SHANK2: variants seen among roughly 807,000 people sequenced by gnomAD.
SHANK2 encodes the protein SH3 and multiple ankyrin repeat domains protein 2.
Under a neutral mutation model 133.7 loss-of-function variants are expected in SHANK2, and 43 were observed. That is an observed-to-expected ratio of 0.32 (90% CI 0.25 to 0.41). The LOEUF (loss-of-function observed/expected upper bound fraction) is 0.41, where lower values mean the gene tolerates loss of function less well. Ranked by LOEUF, SHANK2 falls within the 10% of genes least tolerant of loss-of-function variation. The probability of loss-of-function intolerance (pLI) is 1.00; values close to 1 mark genes in which losing one functional copy is unlikely to be tolerated. For missense variants in SHANK2, 1,994 were observed against 2,235.8 expected, an observed-to-expected ratio of 0.89 and a Z score of 2.18; for synonymous variants, 1,017 against 952.8, an observed-to-expected ratio of 1.07 and a Z score of -1.24.
intron 17 of SHANK2, among the ~76,000 whole-genome samples, chr11:70,587,698 GTTTTTT>G (rs34539549): frequency 8.4e-6 from 1 of 119,740 alleles, no homozygotes; most frequent in African/African-American, 3.3e-5. Context: ...AGCACGTCCA[GTTTTTT>G]TTTTTTTTTT....
At position 70,942,120 on chromosome 11, in the gene SHANK2, G is replaced by C. The variant is rs1317187154; in HGVS notation, c.1108-45553C>G. On this transcript the variant is annotated intron_variant, in intron 10 of 25. Transcript: ENST00000601538. Reference sequence around the variant, plus strand: ...GAGAATTGTGTGAACCCAGGAGGCGGAGGTTGCGGTGAACTGAGATCACAC... The same window carrying C: ...GAGAATTGTGTGAACCCAGGAGGCGCAGGTTGCGGTGAACTGAGATCACAC... 2.6e-5 allele frequency among the ~76,000 whole-genome samples: 4 copies of C among 152,284 alleles called. No individual in the cohort carries two copies. In the East Asian group the frequency reaches 7.7e-4, roughly 29 times the overall value.
chr11:71,154,371 C>T (rs1218047588), intron 2 of SHANK2, among the ~76,000 whole-genome samples: 5 of 152,122 alleles, frequency 3.3e-5, no homozygotes, highest in Non-Finnish European at 7.3e-5. Flanking sequence ...AGAGCAAGTG[C>T]GAGGGTGTGG....
At chr11:70,821,277 C>T (rs1948516324) in intron 11 of SHANK2, among the ~76,000 whole-genome samples, 1 of 152,158 alleles carries the variant, frequency 6.6e-6, no homozygotes, top group East Asian at 1.9e-4. Flanking sequence ...CACAGACACA[C>T]ACACAGGGAT....
chr11:71,138,806 A>G (rs1274280036), intron 3 of SHANK2, among the ~76,000 whole-genome samples: 12 of 125,182 alleles, frequency 9.6e-5, no homozygotes, highest in African/African-American at 5.8e-4. Context: ...AAAAAAAAAA[A>G]AGAAAAGAAA....
intron 10 of SHANK2, 133 bp from the exon 11 acceptor site, chr11:70,896,700 A>G: frequency 1.6e-6 from 1 of 618,422 alleles, no homozygotes; most frequent in Non-Finnish European, 2.9e-6. Flanking sequence ...CCGCAATATC[A>G]ACACTCATCC....
At chr11:70,664,032 G>A (rs1349904272) in intron 15 of SHANK2, among the ~76,000 whole-genome samples, 5 of 152,180 alleles carry the variant, frequency 3.3e-5, no homozygotes, top group East Asian at 1.9e-4. Context: ...TCCCTGTGAC[G>A]GCTGCCATTA....
intron 11 of SHANK2, among the ~76,000 whole-genome samples, chr11:70,839,053 TA>T (rs1215941595): frequency 6.6e-6 from 1 of 152,190 alleles, no homozygotes; most frequent in Non-Finnish European, 1.5e-5. Context: ...CCACTGTAAT[TA>T]ACAGGAGGGT....
At chr11:71,108,795 GC>G (rs1951840918) in intron 6 of SHANK2, among the ~76,000 whole-genome samples, 1 of 152,200 alleles carries the variant, frequency 6.6e-6, no homozygotes, top group African/African-American at 2.4e-5. Flanking sequence ...AGGCATCAAA[GC>G]TACCAGCAGC....
At chr11:71,227,010 T>G (rs1480943458) in intron 1 of SHANK2, among the ~76,000 whole-genome samples, 1 of 152,110 alleles carries the variant, frequency 6.6e-6, no homozygotes, top group African/African-American at 2.4e-5. Context: ...TATATTTCAC[T>G]CAAACTGGTA....
At chr11:70,686,033 AC>A (rs1945140837) in intron 15 of SHANK2, among the ~76,000 whole-genome samples, 3 of 65,070 alleles carry the variant, frequency 4.6e-5, no homozygotes, top group African/African-American at 1.8e-4. Context: ...CCATGCCCCC[AC>A]CCACCCACCC....
chr11:70,792,211 C>T (rs1315044653), intron 14 of SHANK2, among the ~76,000 whole-genome samples: 1 of 152,032 alleles, frequency 6.6e-6, no homozygotes, highest in Non-Finnish European at 1.5e-5. Flanking sequence ...AACCAACCAA[C>T]CAACCAACTA....
intron 14 of SHANK2, among the ~76,000 whole-genome samples, chr11:70,752,428 A>G (rs1402872134): frequency 6.6e-6 from 1 of 152,226 alleles, no homozygotes; most frequent in African/African-American, 2.4e-5. Context: ...GATTAAAAAA[A>G]ATCAATTCGG....
At chr11:70,753,834 C>T (rs930901569) in intron 14 of SHANK2, among the ~76,000 whole-genome samples, 2 of 51,914 alleles carry the variant, frequency 3.9e-5, no homozygotes, top group Admixed American at 3.8e-4. Flanking sequence ...GTGTTTGAGA[C>T]AGAGTCTCAC....
intron 9 of SHANK2, among the ~76,000 whole-genome samples, chr11:71,064,731 G>A (rs1375879570): frequency 6.6e-6 from 1 of 152,072 alleles, no homozygotes; most frequent in Non-Finnish European, 1.5e-5. Context: ...GAATGGACAA[G>A]TCCCGGGATG....
chr11:70,618,682 G>T (rs545859579), intron 17 of SHANK2, among the ~76,000 whole-genome samples: 2 of 152,246 alleles, frequency 1.3e-5, no homozygotes, highest in Non-Finnish European at 2.9e-5. Context: ...AGAGCAAGGC[G>T]CAGGCTTCTG....
intron 14 of SHANK2, among the ~76,000 whole-genome samples, chr11:70,790,538 T>C (rs561335584): frequency 1.3e-5 from 2 of 152,338 alleles, no homozygotes; most frequent in Non-Finnish European, 2.9e-5. Context: ...AAATTGAGGT[T>C]TCTTTGAGGA....
chr11:70,678,469 T>TCCTGCCTCTC (rs538523921), intron 15 of SHANK2, among the ~76,000 whole-genome samples: 38 of 150,994 alleles, frequency 2.5e-4, no homozygotes, highest in African/African-American at 6.6e-4. Flanking sequence ...GAGTTATCTG[T>TCCTGCCTCTC]CCTGCCTCTC....
rs539352811 is a variant in SHANK2 at position 70,714,185 on chromosome 11, T to C, written c.1778-15422A>G. Among the ~76,000 whole-genome samples the C allele has an allele frequency of 6.6e-5, 10 of 152,304 alleles. No homozygotes were observed. In the South Asian group the frequency reaches 1.7e-3, roughly 25 times the overall value. On this transcript the variant is annotated intron_variant, in intron 14 of 25. Coordinates refer to ENST00000601538, the MANE Select transcript of SHANK2 (RefSeq NM_012309.5). The stretch of plus-strand genomic sequence containing the variant: ...CTTTTCAGCCCTTCCTTCTTCCCTG[T>C]CTGGAATGTGGAAGTGGCTCTACAT...
At chr11:70,576,436 C>T (rs1320354490) in intron 17 of SHANK2, among the ~76,000 whole-genome samples, 5 of 152,092 alleles carry the variant, frequency 3.3e-5, no homozygotes, top group Non-Finnish European at 5.9e-5. Flanking sequence ...AGATCGAGAC[C>T]ATCCTGGCTA....
Sources: allele counts gnomAD v4.1 joint callset (sites outside exome capture counted in the v4.1 genomes callset), GRCh38; gene constraint gnomAD v4.1.1; transcripts MANE v1.5; gene names NCBI Gene and HGNC (gene_info 2026-07-23, HGNC 2026-07-21).